The following LRMDA variants were observed in gnomAD, a reference collection of about 807,000 sequenced individuals.
The protein encoded by LRMDA is leucine-rich melanocyte differentiation-associated protein.
In LRMDA, 18 loss-of-function variants were observed where a neutral mutation model predicts 29.8. That is an observed-to-expected ratio of 0.60 (90% CI 0.42 to 0.90). LRMDA has a LOEUF of 0.90. Among genes scored for constraint, LRMDA ranks in the 40% least tolerant of loss-of-function variants. LRMDA has a pLI of 0.00. For synonymous variants in LRMDA, 125 were observed against 109.4 expected (o/e 1.14, Z -0.89); for missense variants, 273 against 273.9 (o/e 1.00, Z 0.02).
intron 2 of LRMDA, among the ~76,000 whole-genome samples, chr10:75,870,217 T>G (rs1434094532): frequency 6.6e-6 from 1 of 152,216 alleles, no homozygotes; most frequent in Non-Finnish European, 1.5e-5. Context: ...TGTCCACAAA[T>G]AAAGTTTTAT....
At chr10:75,860,568 C>T (rs1043042989) in intron 2 of LRMDA, among the ~76,000 whole-genome samples, 13 of 152,000 alleles carry the variant, frequency 8.6e-5, no homozygotes, top group South Asian at 2.1e-4. Flanking sequence ...GTGATCTGTC[C>T]GCCTCGGCCT....
intron 5 of LRMDA, among the ~76,000 whole-genome samples, chr10:76,208,091 T>A (rs1851570027): frequency 6.6e-6 from 1 of 152,206 alleles, no homozygotes. Flanking sequence ...TATGCCAGTT[T>A]TTCTTGTACA....
chr10:76,249,906 G>A (rs913709071), intron 5 of LRMDA, among the ~76,000 whole-genome samples: 1 of 152,168 alleles, frequency 6.6e-6, no homozygotes, highest in Non-Finnish European at 1.5e-5. Flanking sequence ...AGGTTCAAGT[G>A]ATTCTCTTGT....
At chr10:75,990,186 CACA>C in intron 2 of LRMDA, among the ~76,000 whole-genome samples, 1 of 152,340 alleles carries the variant, frequency 6.6e-6, no homozygotes, top group Non-Finnish European at 1.5e-5. Flanking sequence ...GAGCGTCTCA[CACA>C]CGGACTTATT....
chr10:75,485,708 G>T (rs1844905073), intron 2 of LRMDA, among the ~76,000 whole-genome samples: 1 of 152,168 alleles, frequency 6.6e-6, no homozygotes, highest in Admixed American at 6.5e-5. Flanking sequence ...CTCCTGAGTA[G>T]CTGGGATTAC....
At chr10:75,827,722 A>G (rs1844271574) in intron 2 of LRMDA, among the ~76,000 whole-genome samples, 1 of 152,252 alleles carries the variant, frequency 6.6e-6, no homozygotes, top group Non-Finnish European at 1.5e-5. Context: ...AATTCCTCGC[A>G]TATGTTGCAG....
At chr10:75,469,877 G>A (rs571822111) in intron 2 of LRMDA, among the ~76,000 whole-genome samples, 1 of 152,190 alleles carries the variant, frequency 6.6e-6, no homozygotes, top group African/African-American at 2.4e-5. Flanking sequence ...GCAGAGCTTG[G>A]TGTTGGTCTC....
intron 2 of LRMDA, among the ~76,000 whole-genome samples, chr10:75,846,037 C>T (rs981707571): frequency 4.6e-5 from 7 of 152,094 alleles, no homozygotes; most frequent in Admixed American, 3.3e-4. Context: ...GAATTCACTC[C>T]TTAGGATGTT....
intron 5 of LRMDA, among the ~76,000 whole-genome samples, chr10:76,076,582 A>G (rs1354344910): frequency 6.6e-6 from 1 of 152,064 alleles, no homozygotes; most frequent in Non-Finnish European, 1.5e-5. Context: ...GAGCACTAAG[A>G]TGGGGGAGTT....
intron 2 of LRMDA, among the ~76,000 whole-genome samples, chr10:75,748,342 C>T (rs1842914014): frequency 6.6e-6 from 1 of 152,180 alleles, no homozygotes. Flanking sequence ...GATCCTCCCA[C>T]CTTGGCCTCC....
At chr10:76,216,493 A>T (rs993772715) in intron 5 of LRMDA, among the ~76,000 whole-genome samples, 8 of 152,244 alleles carry the variant, frequency 5.3e-5, no homozygotes, top group Non-Finnish European at 7.3e-5. Flanking sequence ...AGATAACTCA[A>T]TAGAGAAGTA....
At chr10:75,968,737 TC>T (rs1846912110) in intron 2 of LRMDA, among the ~76,000 whole-genome samples, 1 of 152,176 alleles carries the variant, frequency 6.6e-6, no homozygotes, top group African/African-American at 2.4e-5. Flanking sequence ...CTCATTCCTG[TC>T]CCACTAGAGA....
chr10:75,756,606 G>C lies in LRMDA; in HGVS notation c.132-279402G>C, dbSNP rs563816862. ...TAACTGATAAAGGTGCTCTCTTTTT[G>C]AGAGCCTTAATGAACAATAATAGTG... On this transcript the variant is annotated intron_variant, in intron 2 of 6. Coordinates refer to ENST00000611255, the MANE Select transcript of LRMDA (RefSeq NM_001305581.2). 7.2e-5 allele frequency among the ~76,000 whole-genome samples: 11 copies of C among 152,314 alleles called. No individual in the cohort carries two copies. In the South Asian group the frequency reaches 2.1e-3, roughly 29 times the overall value.
At chr10:75,509,704 C>T (rs1039795130) in intron 2 of LRMDA, among the ~76,000 whole-genome samples, 7 of 152,226 alleles carry the variant, frequency 4.6e-5, no homozygotes, top group African/African-American at 1.7e-4. Flanking sequence ...TCATTTAATG[C>T]TTATTTTTCT....
chr10:75,790,538 T>C (rs182680825), intron 2 of LRMDA, among the ~76,000 whole-genome samples: 4 of 152,322 alleles, frequency 2.6e-5, no homozygotes, highest in South Asian at 2.1e-4. Flanking sequence ...TTTCCTTGTA[T>C]TCCTCTCCTT....
chr10:76,207,727 G>A (rs1851563204), intron 5 of LRMDA, among the ~76,000 whole-genome samples: 1 of 152,118 alleles, frequency 6.6e-6, no homozygotes, highest in Admixed American at 6.5e-5. Context: ...ACTTTGGGAG[G>A]CCAAGGCAGG....
At chr10:75,483,084 G>A (rs1009953446) in intron 2 of LRMDA, among the ~76,000 whole-genome samples, 1 of 151,932 alleles carries the variant, frequency 6.6e-6, no homozygotes, top group Non-Finnish European at 1.5e-5. Context: ...AGCTGGGACT[G>A]TAGGTGTGCA....
At chr10:76,041,750 C>T (rs1157197200) in intron 3 of LRMDA, among the ~76,000 whole-genome samples, 1 of 152,106 alleles carries the variant, frequency 6.6e-6, no homozygotes, top group Non-Finnish European at 1.5e-5. Context: ...TTTGGCAAGC[C>T]TCCCCATGAC....
chr10:75,669,833 A>G (rs1411800661), intron 2 of LRMDA, among the ~76,000 whole-genome samples: 1 of 152,234 alleles, frequency 6.6e-6, no homozygotes, highest in Non-Finnish European at 1.5e-5. Flanking sequence ...AGAAAATGAT[A>G]GCTAAGTACT....
Sources: gnomAD v4.1 joint callset for allele counts (sites outside exome capture counted in the v4.1 genomes callset) on GRCh38, gnomAD v4.1.1 for gene constraint, MANE v1.5 for transcripts, NCBI Gene and HGNC (gene_info 2026-07-23, HGNC 2026-07-21) for gene names.